OPRM1: variants seen among roughly 807,000 people sequenced by gnomAD.
OPRM1 encodes opioid receptor mu 1.
In OPRM1, 27 loss-of-function variants were observed where a neutral mutation model predicts 31.8. That is an observed-to-expected ratio of 0.85 (90% confidence interval 0.63 to 1.17). The LOEUF (loss-of-function observed/expected upper bound fraction) is 1.17. Among genes scored for constraint, OPRM1 ranks in the 50% most tolerant of loss-of-function variants. The probability of loss-of-function intolerance (pLI) is 0.00; values close to 1 mark genes in which losing one functional copy is unlikely to be tolerated. For synonymous variants in OPRM1, 196 were observed against 189.9 expected (o/e 1.03, Z -0.26); for missense variants, 536 against 511.1 (o/e 1.05, Z -0.47).
At chr6:154,144,858 T>C (rs919359154) in intron 3 of OPRM1, among the ~76,000 whole-genome samples, 1 of 150,194 alleles carries the variant, frequency 6.7e-6, no homozygotes, top group African/African-American at 2.4e-5. Context: ...ACTCACCATA[T>C]CAATAGTAAA....
At position 154,131,109 on chromosome 6, in the gene OPRM1, A is replaced by AT. The variant is rs895032099; in HGVS notation, c.*12394dup. ...CATTTTTTTATAACATTAATGACAC[A>AT]TTTTTTGCTATCCAAATATAATTTC... On this transcript the variant is annotated 3_prime_UTR_variant, in exon 4 of 4. Transcript: ENST00000330432. Among the ~76,000 whole-genome samples the AT allele has an allele frequency of 6.6e-6, 1 of 152,192 alleles. No homozygotes were observed. Among genetic ancestry groups the AT allele is most frequent in the African/African-American group, 2.4e-5 (1 of 41,462 alleles).
chr6:154,025,984 A>G (rs1429826968), intron 1 of OPRM1, among the ~76,000 whole-genome samples: 1 of 152,112 alleles, frequency 6.6e-6, no homozygotes, highest in Non-Finnish European at 1.5e-5. Context: ...TACTAAAGTT[A>G]TAATGTTATA....
chr6:154,131,823 G>A lies in OPRM1; in HGVS notation c.*13102G>A, dbSNP rs979256819. On this transcript the variant is annotated 3_prime_UTR_variant, in exon 4 of 4. Coordinates refer to ENST00000330432, the MANE Select transcript of OPRM1 (RefSeq NM_000914.5). ...ATATTTGCCTGGAAACCTGTATTTCGCCTATAGAGACAAATACATATATTG... is the reference window on the plus strand; with the variant it reads ...ATATTTGCCTGGAAACCTGTATTTCACCTATAGAGACAAATACATATATTG... 5.3e-5 allele frequency among the ~76,000 whole-genome samples: 8 copies of A among 151,368 alleles called. No individual in the cohort carries two copies. Among genetic ancestry groups the A allele is most frequent in the East Asian group, 1.9e-4 (1 of 5,184 alleles).
At chr6:154,135,484 G>GATAGATATAGATATAGATATAGAT (rs58196022), downstream of OPRM1, among the ~76,000 whole-genome samples, 77 of 144,440 alleles carry the variant, frequency 5.3e-4, 1 homozygote, top group Middle Eastern at 3.6e-3. Flanking sequence ...AAAATATATA[G>GATAGATATAGATATAGATATAGAT]ATAGATATAG....
At chr6:154,211,459 C>T (rs1777959570) in intron 3 of OPRM1, among the ~76,000 whole-genome samples, 1 of 150,932 alleles carries the variant, frequency 6.6e-6, no homozygotes, top group Admixed American at 6.6e-5. Flanking sequence ...TAAAGCTAAA[C>T]AGACTGGGAT....
In OPRM1 at chr6:154,127,745, G is replaced by A. The variant is rs1294211078; in HGVS notation, c.*9024G>A. Among the ~76,000 whole-genome samples the A allele has an allele frequency of 6.6e-6, 1 of 152,210 alleles. No homozygotes were observed. Among genetic ancestry groups the A allele is most frequent in the Non-Finnish European group, 1.5e-5 (1 of 68,050 alleles). ...TCCATAGGTTGATTCTTGTTCTCCT[G>A]CATCTCTGCAGGTGGCAAACCTGAT... On this transcript the variant is annotated 3_prime_UTR_variant, in exon 4 of 4. Coordinates refer to ENST00000330432, the MANE Select transcript of OPRM1 (RefSeq NM_000914.5).
In OPRM1 at chr6:154,098,070, A is replaced by G. The variant is rs993970071; in HGVS notation, c.1164+6598A>G. The stretch of plus-strand genomic sequence containing the variant: ...CATAGCAAGACCTTGTCTCTACTAA[A>G]TTTATAAAATTTTAAAAATTAGAAA... On this transcript the variant is annotated intron_variant, in intron 3 of 3. Coordinates refer to ENST00000330432, the MANE Select transcript of OPRM1 (RefSeq NM_000914.5). Among the ~76,000 whole-genome samples the G allele has an allele frequency of 3.3e-5, 5 of 152,102 alleles. No individual in the cohort carries two copies. The East Asian group carries it at 9.6e-4, about 29-fold the overall frequency.
chr6:154,165,653 C>T (rs965077405), intron 3 of OPRM1, among the ~76,000 whole-genome samples: 5 of 152,230 alleles, frequency 3.3e-5, no homozygotes, highest in Non-Finnish European at 4.4e-5. Context: ...AGCGGGCCCC[C>T]AATCTTCTCT....
Position 154,068,880 on chromosome 6 carries a change from T to G in OPRM1, c.291-20946T>G, listed in dbSNP as rs151108990. ...TCCTTGCCACCACTTACCTTTTGTA[T>G]TTTTTGTAATCATCATTCCAACAGG... is the stretch of plus-strand genomic sequence containing the variant. On this transcript the variant is annotated intron_variant, in intron 1 of 3. Transcript: ENST00000330432. Among the ~76,000 whole-genome samples, 194 of 152,320 alleles carry G rather than the reference T, an allele frequency of 1.3e-3. 1 individual carries two copies. The highest frequency in any genetic ancestry group is 4.5e-3 in the African/African-American group (186 of 41,568).
At chr6:154,170,258 G>A (rs928639421) in intron 3 of OPRM1, among the ~76,000 whole-genome samples, 2 of 151,880 alleles carry the variant, frequency 1.3e-5, no homozygotes, top group African/African-American at 4.9e-5. Context: ...ATGTTTATAT[G>A]TTTCACTTCC....
chr6:154,096,908 A>C (rs760309246), intron 3 of OPRM1, among the ~76,000 whole-genome samples: 2 of 152,224 alleles, frequency 1.3e-5, no homozygotes, highest in Non-Finnish European at 2.9e-5. Context: ...TTGTTATGTG[A>C]GGGTCCAAGA....
chr6:154,068,424 T>G (rs1785922074), intron 1 of OPRM1, among the ~76,000 whole-genome samples: 1 of 152,156 alleles, frequency 6.6e-6, no homozygotes. Context: ...GAGATCAATT[T>G]TGTAGATTTC....
rs935745459 is a variant in OPRM1 at position 154,168,617 on chromosome 6, T to A, written c.1164+77145T>A. ...TTAATTAATTAATTTTATTATTATTTTTTTTGAGACGGAGTTTTACTGCTG... is the reference window on the plus strand; with the variant it reads ...TTAATTAATTAATTTTATTATTATTATTTTTGAGACGGAGTTTTACTGCTG... On this transcript the variant is annotated intron_variant, in intron 3 of 3. Coordinates refer to the OPRM1 transcript ENST00000337049. This position sits in a 1 kb window ranked among gnomAD's most constrained non-coding sequence, Gnocchi z 4.1. Among the ~76,000 whole-genome samples, 6 of 152,076 alleles carry A rather than the reference T, an allele frequency of 3.9e-5. No homozygotes were observed. The highest frequency in any genetic ancestry group is 1.4e-4 in the African/African-American group (6 of 41,410).
chr6:154,151,571 C>T (rs1348047232), intron 3 of OPRM1, among the ~76,000 whole-genome samples: 1 of 152,090 alleles, frequency 6.6e-6, no homozygotes, highest in African/African-American at 2.4e-5. Context: ...TGCAAAAACT[C>T]ATAGCCACTG....
chr6:154,154,967 G>T (rs1023409246), intron 3 of OPRM1: 1 of 152,078 alleles, frequency 6.6e-6, no homozygotes, highest in African/African-American at 2.4e-5. Flanking sequence ...TCTATTTTAC[G>T]GCATTTGCTC....
At chr6:154,164,308 T>C (rs913459510) in intron 3 of OPRM1, among the ~76,000 whole-genome samples, 8 of 152,210 alleles carry the variant, frequency 5.3e-5, no homozygotes, top group Non-Finnish European at 1.2e-4. Context: ...ACTTCTCATA[T>C]GGCTTTTGGC....
intron 3 of OPRM1, chr6:154,093,536 T>C (rs199853993): frequency 7.2e-5 from 112 of 1,557,610 alleles, no homozygotes; most frequent in Middle Eastern, 5.8e-4. Context: ...TACAGCCAGA[T>C]AGAAGAGAAA....
At chr6:154,210,852 T>C (rs2128604252) in intron 3 of OPRM1, among the ~76,000 whole-genome samples, 1 of 152,262 alleles carries the variant, frequency 6.6e-6, no homozygotes, top group African/African-American at 2.4e-5. Flanking sequence ...TATTCAACAA[T>C]ATTTATGTCT....
chr6:154,040,824 C>T (rs979699433), intron 1 of OPRM1, among the ~76,000 whole-genome samples: 1 of 152,172 alleles, frequency 6.6e-6, no homozygotes, highest in African/African-American at 2.4e-5. Flanking sequence ...AGTGTGGAAG[C>T]TCTCAGTATT....
Sources: gnomAD v4.1 joint callset for allele counts (sites outside exome capture counted in the v4.1 genomes callset) on GRCh38, gnomAD v4.1.1 for gene constraint, Gnocchi (gnomAD v3.1) non-coding constraint, MANE v1.5 for transcripts, NCBI Gene and HGNC (gene_info 2026-07-23, HGNC 2026-07-21) for gene names.